Variants in PPL observed in about 807,000 individuals in gnomAD.
PPL encodes periplakin, also known as 190 kDa paraneoplastic pemphigus antigen.
Under a neutral mutation model 194.4 loss-of-function variants are expected in PPL, and 198 were observed. That is an observed-to-expected ratio of 1.02 (90% CI 0.91 to 1.15). The LOEUF (loss-of-function observed/expected upper bound fraction) is 1.15. PPL is among the 50% of genes most tolerant of loss of function. The probability of loss-of-function intolerance (pLI) is 0.00; values close to 1 mark genes in which losing one functional copy is unlikely to be tolerated. For synonymous variants in PPL, 1,220 were observed against 972.4 expected (o/e 1.25, Z -4.74); for missense variants, 2,885 against 2,294.8 (o/e 1.26, Z -5.25).
intron 1 of PPL, among the ~76,000 whole-genome samples, chr16:4,917,878 G>A (rs922624317): frequency 2.0e-5 from 3 of 151,922 alleles, no homozygotes; most frequent in African/African-American, 7.3e-5. Flanking sequence ...TTCCAGCCTG[G>A]GCAATGAGAG....
chr16:4,888,181 A>G lies in PPL; in HGVS notation c.2435T>C (p.Leu812Pro), dbSNP rs1567991233. ...ELEAEKLRSL[L>P]DLENGRRSHV... Reference sequence around the variant, plus strand: ...GCTTCTCCTTCCATTCTCCAAGTCGAGAAGAGACCTTAGTTTTTCTGCTTC... The same window carrying G: ...GCTTCTCCTTCCATTCTCCAAGTCGGGAAGAGACCTTAGTTTTTCTGCTTC... The change falls in exon 20 of 22, where the codon CTC (leucine) becomes CCC (proline). Residue 812 changes from leucine to proline, a missense_variant. By Grantham distance (98) the Leu-to-Pro change is moderately conservative. Coordinates refer to ENST00000345988, the MANE Select transcript of PPL (RefSeq NM_002705.5). 2 of 1,613,710 alleles carry G rather than the reference A, an allele frequency of 1.2e-6. No individual in the cohort carries two copies. Among genetic ancestry groups the G allele is most frequent in the African/African-American group, 2.7e-5 (2 of 75,038 alleles).
intron 6 of PPL, 30 bp from the exon 7 acceptor site, chr16:4,899,414 C>T (rs1010192741): frequency 7.1e-6 from 11 of 1,559,410 alleles, no homozygotes; most frequent in African/African-American, 1.4e-5. Context: ...GAAAGGGCTG[C>T]GTCCTCAGCC....
At chr16:4,929,142 T>A (rs976413145) in intron 1 of PPL, among the ~76,000 whole-genome samples, 4 of 150,158 alleles carry the variant, frequency 2.7e-5, no homozygotes, top group African/African-American at 4.9e-5. Flanking sequence ...GTAATAATCA[T>A]AATTTAGGGT....
intron 1 of PPL, among the ~76,000 whole-genome samples, chr16:4,935,579 A>T (rs1470040865): frequency 6.7e-6 from 1 of 150,272 alleles, no homozygotes; most frequent in Non-Finnish European, 1.5e-5. Context: ...AAGATAGGGG[A>T]GGGGTGGGGA....
chr16:4,890,426 G>A lies in PPL; in HGVS notation c.2163-92C>T, dbSNP rs149510871. On this transcript the variant is annotated intron_variant, in intron 17 of 21. Transcript: ENST00000345988. ...TTTTTAAAGTGGGAAACAACCAAAT[G>A]TAACAACCAGAAATACCCCAAGTAT... 1.0e-3 allele frequency: 1,435 copies of A among 1,413,282 alleles called. 8 individuals carry two copies. The African/African-American group carries it at 0.019, about 19-fold the overall frequency. 87.5% of individuals were successfully genotyped at this position (1,413,282 alleles called of 1,614,324 possible).
chr16:4,898,869 C>T, intron 8 of PPL, 144 bp downstream of exon 8: 1 of 662,584 alleles, frequency 1.5e-6, no homozygotes, highest in South Asian at 1.8e-5. Context: ...CAGAGTCAGA[C>T]ACAGCAAGAA....
At chr16:4,924,943 G>A (rs2089128812) in intron 1 of PPL, among the ~76,000 whole-genome samples, 2 of 152,220 alleles carry the variant, frequency 1.3e-5, no homozygotes, top group African/African-American at 2.4e-5. Context: ...TGTGTCCCCT[G>A]CTGGCTCACA....
intron 20 of PPL, among the ~76,000 whole-genome samples, chr16:4,887,670 G>A (rs2088240654): frequency 6.6e-6 from 1 of 152,130 alleles, no homozygotes; most frequent in Non-Finnish European, 1.5e-5. Context: ...TGGTGTGATT[G>A]TAGCTCACTG....
rs368017890 is a variant in PPL at position 4,883,844 on chromosome 16, G to T, written c.4811C>A (p.Ser1604Tyr). 3.1e-6 allele frequency: 5 copies of T among 1,613,982 alleles called. No homozygotes were observed. In the Admixed American group the frequency reaches 5.0e-5, roughly 16 times the overall value. ...RDLRNMTVAD[S>Y]GTNHDSRLWS... ...CAGTCTGGAGTCATGGTTGGTCCCA[G>T]AGTCCGCCACGGTCATGTTCCGCAG... Residue 1604 changes from serine to tyrosine, a missense_variant, in exon 22 of 22, where the codon TCT becomes TAT. Ser to Tyr is a moderately radical substitution (Grantham distance 144). Coordinates refer to ENST00000345988, the MANE Select transcript of PPL (RefSeq NM_002705.5). The surrounding 1 kb of genome is among the most constrained non-coding windows in gnomAD (Gnocchi z 4.8).
In PPL at chr16:4,885,990, C is replaced by A; in HGVS notation, c.2665G>T (p.Val889Leu). 6.2e-7 allele frequency: 1 copy of A among 1,613,982 alleles called. No homozygotes were observed. Among genetic ancestry groups the A allele is most frequent in the Non-Finnish European group, 8.5e-7 (1 of 1,180,046 alleles). The stretch of plus-strand genomic sequence containing the variant: ...TTCCTGATCTTCCACGCCTCCTCCA[C>A]TCCAGAGTCCGGCCTATTCCTTTGC... Reference protein sequence around the residue: ...TLQRNRPDSGVEEAWKIRKEL... With the variant: ...TLQRNRPDSGLEEAWKIRKEL... Residue 889 changes from valine to leucine, a missense_variant, in exon 22 of 22, where the codon GTG becomes TTG. By Grantham distance (32) the Val-to-Leu change is conservative. Coordinates refer to ENST00000345988, the MANE Select transcript of PPL (RefSeq NM_002705.5). This position sits in a 1 kb window ranked among gnomAD's most constrained non-coding sequence, Gnocchi z 6.3.
At position 4,910,978 on chromosome 16, in the gene PPL, C is replaced by T. The variant is rs370131601; in HGVS notation, c.63-29G>A. On this transcript the variant is annotated intron_variant, in intron 1 of 21. Transcript: ENST00000345988. ...CGGGCAGAAGCCGAGGGGAGATGGG[C>T]GGGGTGCCTGGTGGGTGGGGGCTAT... 126 of 1,583,706 alleles carry T rather than the reference C, an allele frequency of 8.0e-5. No homozygotes were observed. In the African/African-American group the frequency reaches 1.2e-3, roughly 15 times the overall value.
intron 1 of PPL, among the ~76,000 whole-genome samples, chr16:4,926,267 C>G (rs1387112373): frequency 6.6e-6 from 1 of 152,180 alleles, no homozygotes; most frequent in African/African-American, 2.4e-5. Flanking sequence ...GCAGCCCCAA[C>G]TGGGCACTTT....
chr16:4,899,856 A>T (rs1366578562), intron 6 of PPL, among the ~76,000 whole-genome samples: 1 of 152,226 alleles, frequency 6.6e-6, no homozygotes, highest in Non-Finnish European at 1.5e-5. Flanking sequence ...GAGGGCTGGA[A>T]GGAAAGCACC....
At chr16:4,919,843 C>T (rs891428782) in intron 1 of PPL, among the ~76,000 whole-genome samples, 5 of 152,074 alleles carry the variant, frequency 3.3e-5, no homozygotes, top group African/African-American at 7.2e-5. Context: ...GTGGGAGAAT[C>T]GCTTGAGCCC....
chr16:4,932,104 C>T (rs2089232416), intron 1 of PPL, among the ~76,000 whole-genome samples: 1 of 152,190 alleles, frequency 6.6e-6, no homozygotes, highest in African/African-American at 2.4e-5. Context: ...TTCCCCAGGC[C>T]CCCCTGGACT....
At chr16:4,920,087 C>A (rs1346971446) in intron 1 of PPL, among the ~76,000 whole-genome samples, 5 of 151,602 alleles carry the variant, frequency 3.3e-5, no homozygotes, top group Non-Finnish European at 5.9e-5. Flanking sequence ...AGATCGAGAT[C>A]ATCCTGGCCA....
chr16:4,918,230 T>A (rs1427825848), intron 1 of PPL, among the ~76,000 whole-genome samples: 1 of 149,868 alleles, frequency 6.7e-6, no homozygotes, highest in South Asian at 2.1e-4. Context: ...GAGGTGGAGG[T>A]TGCAGTGAGC....
At chr16:4,899,718 C>T (rs1260502491) in intron 6 of PPL, among the ~76,000 whole-genome samples, 1 of 152,178 alleles carries the variant, frequency 6.6e-6, no homozygotes, top group Non-Finnish European at 1.5e-5. Flanking sequence ...AGGCTTAGTT[C>T]GCCCATCTGT....
At chr16:4,935,009 G>T (rs1256333475) in intron 1 of PPL, among the ~76,000 whole-genome samples, 1 of 152,182 alleles carries the variant, frequency 6.6e-6, no homozygotes, top group East Asian at 1.9e-4. Flanking sequence ...CCCAGGCTGG[G>T]GAGAGAATCA....
Sources: allele counts gnomAD v4.1 joint callset (sites outside exome capture counted in the v4.1 genomes callset), GRCh38; gene constraint gnomAD v4.1.1; non-coding constraint Gnocchi (gnomAD v3.1); transcripts MANE v1.5; gene names NCBI Gene and HGNC (gene_info 2026-07-23, HGNC 2026-07-21).